MARCHF1: variants seen among roughly 807,000 people sequenced by gnomAD.
MARCHF1 encodes membrane associated ring-CH-type finger 1, also known as E3 ubiquitin-protein ligase MARCHF1.
A neutral mutation model predicts 54.2 loss-of-function variants in MARCHF1; 40 were observed. The ratio of observed to expected loss-of-function variants is 0.74; its 90% CI spans 0.57 to 0.96. The LOEUF (loss-of-function observed/expected upper bound fraction) is 0.96. MARCHF1 is among the 40% of genes least tolerant of loss of function. The probability of loss-of-function intolerance (pLI) is 0.00; values close to 1 mark genes in which losing one functional copy is unlikely to be tolerated. For synonymous variants in MARCHF1, 236 were observed against 236.3 expected, an observed-to-expected ratio of 1.00 and a Z score of 0.01; for missense variants, 586 against 656.5, an observed-to-expected ratio of 0.89 and a Z score of 1.17.
At chr4:164,013,308 T>A (rs1753464158) in intron 2 of MARCHF1, among the ~76,000 whole-genome samples, 1 of 151,602 alleles carries the variant, frequency 6.6e-6, no homozygotes. Context: ...CAAGAAAGAA[T>A]TAATGAGCTC....
At chr4:163,929,974 TA>T (rs1751630851) in intron 3 of MARCHF1, among the ~76,000 whole-genome samples, 1 of 129,724 alleles carries the variant, frequency 7.7e-6, no homozygotes, top group Non-Finnish European at 1.6e-5. Flanking sequence ...ATATATATAA[TA>T]TATATAATAT....
At chr4:163,821,571 TAAAC>T (rs1009126672) in intron 4 of MARCHF1, among the ~76,000 whole-genome samples, 3 of 152,122 alleles carry the variant, frequency 2.0e-5, no homozygotes, top group Non-Finnish European at 4.4e-5. Flanking sequence ...TCAAAGAACA[TAAAC>T]AAAAAATTAA....
intron 5 of MARCHF1, among the ~76,000 whole-genome samples, chr4:163,614,283 C>A (rs1741442424): frequency 2.0e-5 from 3 of 152,022 alleles, no homozygotes; most frequent in Admixed American, 6.6e-5. Flanking sequence ...TAAGCCATTT[C>A]CATATATTCA....
At chr4:163,782,744 T>C (rs998699111) in intron 4 of MARCHF1, among the ~76,000 whole-genome samples, 6 of 148,918 alleles carry the variant, frequency 4.0e-5, no homozygotes, top group Non-Finnish European at 8.9e-5. Context: ...CATATATACA[T>C]GGGGATGGAG....
chr4:163,770,044 TCTTC>T (rs1747109195), intron 4 of MARCHF1, among the ~76,000 whole-genome samples: 1 of 151,528 alleles, frequency 6.6e-6, no homozygotes, highest in Non-Finnish European at 1.5e-5. Flanking sequence ...ATATATTTTC[TCTTC>T]CTTATGATTT....
rs544324237 is a variant in MARCHF1, at chr4:163,852,298, T to C, written c.111+1723A>G. Among the ~76,000 whole-genome samples, 5 of 152,228 alleles carry C rather than the reference T, an allele frequency of 3.3e-5. No individual in the cohort carries two copies. The South Asian group carries it at 8.3e-4, about 25-fold the overall frequency. ...TAGGTTTATTATTAGGTTACCCAAT[T>C]ATAGGCAGAAAGCCAGTCCAAAAAT... On this transcript the variant is annotated intron_variant, in intron 4 of 9. Coordinates refer to ENST00000514618, the MANE Select transcript of MARCHF1 (RefSeq NM_001394959.1).
At chr4:164,201,549 T>C (rs1310794958) in intron 1 of MARCHF1, among the ~76,000 whole-genome samples, 2 of 152,080 alleles carry the variant, frequency 1.3e-5, no homozygotes, top group Admixed American at 6.5e-5. Context: ...GAATTTTAAG[T>C]AGGACAAGAG....
intron 3 of MARCHF1, among the ~76,000 whole-genome samples, chr4:163,931,117 G>A (rs1751663576): frequency 6.6e-6 from 1 of 152,124 alleles, no homozygotes; most frequent in South Asian, 2.1e-4. Flanking sequence ...GACACAGCAA[G>A]AAGGCTGATA....
chr4:163,758,490 C>CA (rs58546334), intron 4 of MARCHF1, among the ~76,000 whole-genome samples: 4 of 151,660 alleles, frequency 2.6e-5, no homozygotes, highest in South Asian at 2.1e-4. Context: ...AATTAAAATT[C>CA]AAAAAAAATT....
chr4:163,621,944 C>T (rs1409966913), intron 5 of MARCHF1, among the ~76,000 whole-genome samples: 1 of 152,036 alleles, frequency 6.6e-6, no homozygotes, highest in East Asian at 1.9e-4. Flanking sequence ...AGCTTCTCAG[C>T]CAGCATGGGC....
intron 2 of MARCHF1, among the ~76,000 whole-genome samples, chr4:164,004,142 T>C (rs1753238900): frequency 6.6e-6 from 1 of 151,698 alleles, no homozygotes. Flanking sequence ...TCGAGGATTG[T>C]GGGGAGAGAG....
At chr4:163,850,019 G>T (rs1235290239) in intron 4 of MARCHF1, among the ~76,000 whole-genome samples, 4 of 152,150 alleles carry the variant, frequency 2.6e-5, no homozygotes, top group African/African-American at 9.7e-5. Context: ...GTTGGGTTCT[G>T]CCAATGGTAG....
chr4:163,994,740 T>TACACACAC (rs576243307), intron 2 of MARCHF1, among the ~76,000 whole-genome samples: 2 of 119,246 alleles, frequency 1.7e-5, no homozygotes, highest in African/African-American at 6.3e-5. Flanking sequence ...CAAGCACACA[T>TACACACAC]ACACACACAC....
intron 5 of MARCHF1, among the ~76,000 whole-genome samples, chr4:163,629,814 C>T (rs1333856060): frequency 1.3e-5 from 2 of 151,976 alleles, no homozygotes; most frequent in African/African-American, 4.8e-5. Flanking sequence ...ACATGCATCC[C>T]AGAACTTAAA....
intron 4 of MARCHF1, among the ~76,000 whole-genome samples, chr4:163,712,312 T>C (rs1170921432): frequency 1.3e-5 from 2 of 152,138 alleles, no homozygotes; most frequent in African/African-American, 4.8e-5. Context: ...CACACACAAG[T>C]GTATGTATAT....
intron 1 of MARCHF1, among the ~76,000 whole-genome samples, chr4:164,184,280 A>T (rs920142150): frequency 4.6e-5 from 7 of 152,122 alleles, no homozygotes; most frequent in African/African-American, 1.4e-4. Flanking sequence ...TATAGGTACA[A>T]ATTTGCAAGA....
intron 2 of MARCHF1, among the ~76,000 whole-genome samples, chr4:164,047,562 G>T (rs1378390626): frequency 1.3e-5 from 2 of 152,158 alleles, no homozygotes; most frequent in East Asian, 3.9e-4. Flanking sequence ...ATGTAATTTT[G>T]CAGGTTTTTC....
At chr4:163,958,757 A>G (rs1380577703) in intron 3 of MARCHF1, among the ~76,000 whole-genome samples, 1 of 151,998 alleles carries the variant, frequency 6.6e-6, no homozygotes, top group Admixed American at 6.6e-5. Context: ...GTAAAAGAAG[A>G]GAGATCATTC....
intron 4 of MARCHF1, among the ~76,000 whole-genome samples, chr4:163,709,861 C>T (rs1745055726): frequency 6.6e-6 from 1 of 152,130 alleles, no homozygotes; most frequent in Non-Finnish European, 1.5e-5. Flanking sequence ...TCTGTTGAAG[C>T]AAACATGGCA....
Sources: allele counts gnomAD v4.1 joint callset (sites outside exome capture counted in the v4.1 genomes callset), GRCh38; gene constraint gnomAD v4.1.1; transcripts MANE v1.5; gene names NCBI Gene and HGNC (gene_info 2026-07-23, HGNC 2026-07-21).